The following SLC25A18 variants were observed in gnomAD, a reference collection of about 807,000 sequenced individuals.
The protein encoded by SLC25A18 is solute carrier family 25 member 18, also known as mitochondrial glutamate carrier 2.
Under a neutral mutation model 31.1 loss-of-function variants are expected in SLC25A18, and 24 were observed. The observed-to-expected ratio is 0.77, with a 90% CI of 0.56 to 1.08. SLC25A18 has a LOEUF of 1.08. SLC25A18 is among the 50% of genes least tolerant of loss of function. SLC25A18 has a pLI of 0.00. For synonymous variants in SLC25A18, 173 were observed against 161.9 expected, an observed-to-expected ratio of 1.07 and a Z score of -0.52; for missense variants, 371 against 418.5, an observed-to-expected ratio of 0.89 and a Z score of 0.99.
chr22:17,587,059 G>T (rs2057570212), intron 7 of SLC25A18, 77 bp from the exon 8 acceptor site: 11 of 1,526,448 alleles, frequency 7.2e-6, no homozygotes, highest in Admixed American at 3.6e-5. Context: ...CAGGGGCAGG[G>T]ATTGAGAGCC....
intron 6 of SLC25A18, 142 bp from the exon 7 acceptor site, chr22:17,583,274 A>AGGGCTAGCTGATGACT: frequency 1.0e-6 from 1 of 977,828 alleles, no homozygotes; most frequent in Non-Finnish European, 1.6e-6. Context: ...ACCACACCTA[A>AGGGCTAGCTGATGACT]GGGCTAGCTG....
chr22:17,589,556 G>C, intron 9 of SLC25A18, 34 bp from the exon 10 acceptor site: 1 of 1,597,112 alleles, frequency 6.3e-7, no homozygotes, highest in South Asian at 1.1e-5. Context: ...AAAGTAAGCT[G>C]TTCACTACTT....
rs1267721512 is a variant in SLC25A18, at chr22:17,568,286, G to C, written c.-263-1638G>C. Among the ~76,000 whole-genome samples the C allele has an allele frequency of 2.0e-5, 3 of 150,648 alleles. No homozygotes were observed. In the East Asian group the frequency reaches 6.0e-4, roughly 30 times the overall value. On this transcript the variant is annotated intron_variant, in intron 1 of 10. Coordinates refer to ENST00000327451, the MANE Select transcript of SLC25A18 (RefSeq NM_031481.3). The stretch of plus-strand genomic sequence containing the variant: ...GGAGGCTGAGGCAGGAGAATGGCGT[G>C]AACGTGGGAGGCTGAGCTTGCAGTG...
At chr22:17,583,555 C>A in intron 7 of SLC25A18, 21 bp downstream of exon 7, 1 of 1,611,338 alleles carries the variant, frequency 6.2e-7, no homozygotes, top group Non-Finnish European at 8.5e-7. Flanking sequence ...TCCCCACCTC[C>A]TATGGGAACA....
In SLC25A18 at chr22:17,590,238, C is replaced by T. The variant is rs767431202; in HGVS notation, c.*2C>T. ...CGCATCTTAAAGTGTTTTGACTAGA[C>T]AGAGCTGGAGGTCAAGTCCCTGCGC... On this transcript the variant is annotated 3_prime_UTR_variant, in exon 11 of 11. Transcript: ENST00000327451. 3 of 1,614,094 alleles carry T rather than the reference C, an allele frequency of 1.9e-6. No individual in the cohort carries two copies. Among genetic ancestry groups the T allele is most frequent in the Non-Finnish European group, 2.5e-6 (3 of 1,180,044 alleles).
At chr22:17,574,480 C>T (rs1301728835) in intron 2 of SLC25A18, among the ~76,000 whole-genome samples, 1 of 151,996 alleles carries the variant, frequency 6.6e-6, no homozygotes, top group Non-Finnish European at 1.5e-5. Flanking sequence ...TCTGCACGCC[C>T]CACCTTCTGC....
chr22:17,580,447 T>C, intron 3 of SLC25A18: 1 of 812,444 alleles, frequency 1.2e-6, no homozygotes, highest in Non-Finnish European at 1.5e-6. Flanking sequence ...TTATCTAAAC[T>C]GTGGCTTTAC....
At chr22:17,574,148 C>CA (rs2057167092) in intron 2 of SLC25A18, among the ~76,000 whole-genome samples, 1 of 152,182 alleles carries the variant, frequency 6.6e-6, no homozygotes, top group Non-Finnish European at 1.5e-5. Context: ...GTGGGAGGAT[C>CA]GCTTGAGCCT....
intron 1 of SLC25A18, among the ~76,000 whole-genome samples, chr22:17,566,505 C>G (rs907199395): frequency 6.6e-6 from 1 of 152,212 alleles, no homozygotes; most frequent in East Asian, 1.9e-4. Context: ...CTCCGCCTCA[C>G]GGGTTCAAGC....
Position 17,588,077 on chromosome 22 carries a change from A to G in SLC25A18, c.728A>G (p.Asp243Gly). Residue 243 changes from aspartate (D) to glycine (G), a missense_variant and splice_region_variant, in exon 9 of 11, where the codon GAT becomes GGT. Asp to Gly is a moderately conservative substitution (Grantham distance 94). Coordinates refer to ENST00000327451, the MANE Select transcript of SLC25A18 (RefSeq NM_031481.3). Reference sequence around the variant, plus strand: ...GCTGCGGTCGCAGTGACGCCTCTAGATGGTAAGGAGTTGGGAGACGTGTCC... The same window carrying G: ...GCTGCGGTCGCAGTGACGCCTCTAGGTGGTAAGGAGTTGGGAGACGTGTCC... The part of the protein sequence containing the change: ...SIAAVAVTPL[D>G]VLKTRIQTLK... The G allele has an allele frequency of 6.2e-7, 1 of 1,614,050 alleles. No individual in the cohort carries two copies. Among genetic ancestry groups the G allele is most frequent in the Non-Finnish European group, 8.5e-7 (1 of 1,180,018 alleles).
intron 2 of SLC25A18, among the ~76,000 whole-genome samples, chr22:17,577,167 C>T (rs960251816): frequency 1.3e-5 from 2 of 152,134 alleles, no homozygotes; most frequent in African/African-American, 2.4e-5. Flanking sequence ...GGACGACAGG[C>T]GCCCACCACC....
intron 1 of SLC25A18, among the ~76,000 whole-genome samples, chr22:17,567,389 A>T (rs1300286989): frequency 6.6e-6 from 1 of 152,146 alleles, no homozygotes; most frequent in Non-Finnish European, 1.5e-5. Flanking sequence ...GCCTCATTTC[A>T]GATTAATTAC....
intron 1 of SLC25A18, 83 bp downstream of exon 1, chr22:17,563,796 C>A (rs2056865796): frequency 2.5e-6 from 2 of 801,064 alleles, no homozygotes; most frequent in African/African-American, 1.9e-5. Flanking sequence ...ATAGCCTCAT[C>A]TGCTCAGAGT....
At chr22:17,563,763 C>A (rs2146193664) in intron 1 of SLC25A18, 50 bp downstream of exon 1, 2 of 974,428 alleles carry the variant, frequency 2.1e-6, no homozygotes, top group African/African-American at 3.5e-5. Flanking sequence ...TGCCTAGTTA[C>A]TAAGAAACCA....
Position 17,590,548 on chromosome 22 carries a change from T to C in SLC25A18, c.*312T>C, listed in dbSNP as rs925054353. 3 of 269,194 alleles carry C rather than the reference T, an allele frequency of 1.1e-5. No individual in the cohort carries two copies. Among genetic ancestry groups the C allele is most frequent in the South Asian group, 8.4e-5 (1 of 11,840 alleles). The allele number at this position is 269,194 out of a possible 1,614,324, so 16.7% of individuals were successfully genotyped here. ...GCAGGACCTTAACAGGTAGTCACAA[T>C]AGAAGGGTTGTTTCTGTATTTTAAC... On this transcript the variant is annotated 3_prime_UTR_variant, in exon 11 of 11. Coordinates refer to ENST00000327451, the MANE Select transcript of SLC25A18 (RefSeq NM_031481.3).
rs777355503 is a variant in SLC25A18, at chr22:17,581,073, G to A, written c.57G>A (p.Gly19=). The change falls in exon 4 of 11, where the codon GGG becomes GGA. Residue 19 remains glycine (G), a synonymous_variant. Coordinates refer to ENST00000327451, the MANE Select transcript of SLC25A18 (RefSeq NM_031481.3). ...TAKLINGGVA[G]LVGVTCVFPI... is the part of the protein sequence containing the mutation. ...AACTCATCAATGGAGGTGTAGCAGGGCTCGTGGGGGTGACCTGCGTGTTCC... is the reference window on the plus strand; with the variant it reads ...AACTCATCAATGGAGGTGTAGCAGGACTCGTGGGGGTGACCTGCGTGTTCC... 1 of 1,559,064 alleles carries A rather than the reference G, an allele frequency of 6.4e-7. No homozygotes were observed. Among genetic ancestry groups the A allele is most frequent in the Non-Finnish European group, 8.7e-7 (1 of 1,150,538 alleles).
intron 1 of SLC25A18, among the ~76,000 whole-genome samples, chr22:17,567,982 T>A (rs2146204206): frequency 6.6e-6 from 1 of 152,192 alleles, no homozygotes; most frequent in South Asian, 2.1e-4. Flanking sequence ...ACTTTATTGC[T>A]GTCTGGTTTT....
chr22:17,590,217 TCTTAA>T lies in SLC25A18; in HGVS notation c.930_934del (p.Leu311ValfsTer3), dbSNP rs752786628. On this transcript the variant is annotated frameshift_variant, in exon 11 of 11. Coordinates refer to ENST00000327451, the MANE Select transcript of SLC25A18 (RefSeq NM_031481.3). LOFTEE classifies it high-confidence loss of function. ...TATTTTATTGGGATTGGAGAGCGCA[TCTTAA>T]AGTGTTTTGACTAGACAGAGCTGGA... 3.7e-6 allele frequency: 6 copies of T among 1,614,094 alleles called. No homozygotes were observed. The South Asian group carries it at 6.6e-5, about 18-fold the overall frequency.
At chr22:17,563,976 T>C (rs1285038394) in intron 1 of SLC25A18, among the ~76,000 whole-genome samples, 1 of 152,150 alleles carries the variant, frequency 6.6e-6, no homozygotes, top group Non-Finnish European at 1.5e-5. Context: ...TCTCAGCCCA[T>C]TTAATTTGGA....
Sources: allele counts gnomAD v4.1 joint callset (sites outside exome capture counted in the v4.1 genomes callset), GRCh38; gene constraint gnomAD v4.1.1; transcripts MANE v1.5; gene names NCBI Gene and HGNC (gene_info 2026-07-23, HGNC 2026-07-21).